Variants in ARRDC3 observed in about 807,000 individuals in gnomAD.
ARRDC3 encodes arrestin domain-containing protein 3.
ARRDC3 carries 10 observed loss-of-function variants against 47.2 expected under a neutral mutation model. The observed-to-expected ratio is 0.21, with a 90% CI of 0.13 to 0.36. The LOEUF is 0.36. Among genes scored for constraint, ARRDC3 ranks in the 10% least tolerant of loss-of-function variants. The pLI is 1.00. For synonymous variants in ARRDC3, 156 were observed against 178.3 expected (o/e 0.87, Z 1.00); for missense variants, 381 against 503.6 (o/e 0.76, Z 2.33).
intron 2 of ARRDC3, among the ~76,000 whole-genome samples, chr5:91,377,571 A>ATT (rs35213327): frequency 4.7e-4 from 69 of 145,570 alleles, no homozygotes; most frequent in Middle Eastern, 7.2e-3. Context: ...TGTTTTCATA[A>ATT]TTTTTTTTTT....
rs201823359 is a variant in ARRDC3 at position 91,383,083 on chromosome 5, C to G, written c.10G>C (p.Gly4Arg). MVLGKVKSLTISFD... is the reference protein window; with the variant it reads MVLRKVKSLTISFD... ...CTTATTGTCAAACTCTTCACCTTTC[C>G]CAGCACCATGTTTATAACAAAATCT... Residue 4 changes from glycine to arginine, a missense_variant, in exon 1 of 8, where the codon GGA becomes CGA. By Grantham distance (125) the Gly-to-Arg change is moderately radical. Coordinates refer to ENST00000265138, the MANE Select transcript of ARRDC3 (RefSeq NM_020801.4). 49 of 1,600,650 alleles carry G rather than the reference C, an allele frequency of 3.1e-5. No homozygotes were observed. Among genetic ancestry groups the G allele is most frequent in the Non-Finnish European group, 4.3e-6 (5 of 1,174,688 alleles).
At chr5:91,379,217 T>C (rs957495031) in intron 1 of ARRDC3, among the ~76,000 whole-genome samples, 3 of 143,552 alleles carry the variant, frequency 2.1e-5, no homozygotes, top group African/African-American at 2.6e-5. Context: ...TGTCAGTTTA[T>C]AGGGAATAAT....
chr5:91,378,620 T>G (rs1799361400), intron 2 of ARRDC3, 74 bp downstream of exon 2: 1 of 873,610 alleles, frequency 1.1e-6, no homozygotes, highest in Middle Eastern at 3.2e-4. Context: ...ATGTTTAAAT[T>G]TAGAATACTT....
At chr5:91,375,340 T>A (rs1215898821) in intron 4 of ARRDC3, 162 bp from the exon 5 acceptor site, 1 of 933,774 alleles carries the variant, frequency 1.1e-6, no homozygotes, top group Non-Finnish European at 1.6e-6. Flanking sequence ...TCAGTAGCTA[T>A]TTGAAAAAGG....
At chr5:91,373,603 T>C (rs1799229327) in intron 7 of ARRDC3, 81 bp downstream of exon 7, 1 of 1,350,476 alleles carries the variant, frequency 7.4e-7, no homozygotes, top group East Asian at 2.3e-5. Flanking sequence ...CAAGATCTAA[T>C]AACATTAAGA....
Position 91,382,846 on chromosome 5 carries a change from T to C in ARRDC3, c.247A>G (p.Asn83Asp). The C allele has an allele frequency of 6.2e-7, 1 of 1,614,118 alleles. No homozygotes were observed. Among genetic ancestry groups the C allele is most frequent in the Non-Finnish European group, 8.5e-7 (1 of 1,180,012 alleles). ...QNYTEEVEYF[N>D]HKDILIGHER... ...TGCCCAATTAAGATGTCTTTATGGT[T>C]GAAATACTCTACTTCTTCAGTGTAA... is the stretch of plus-strand genomic sequence containing the variant. Residue 83 changes from asparagine to aspartate, a missense_variant, in exon 1 of 8, where the codon AAC becomes GAC. Transcript: ENST00000265138.
rs3815759 is a variant in ARRDC3 at position 91,373,680 on chromosome 5, T to G, written c.1188+4A>C. On this transcript the variant is annotated splice_donor_region_variant and intron_variant, in intron 7 of 7. Coordinates refer to ENST00000265138, the MANE Select transcript of ARRDC3 (RefSeq NM_020801.4). ...CATTTCATACTTAAGGAGTAGGTAC[T>G]TACCTCTGAATAAAGAGGTGGAGGC... 3.4e-3 allele frequency: 5,559 copies of G among 1,612,922 alleles called. 33 individuals carry two copies. Among genetic ancestry groups the G allele is most frequent in the Admixed American group, 0.022 (1,307 of 60,010 alleles).
intron 6 of ARRDC3, 30 bp downstream of exon 6, chr5:91,374,084 A>ATTTT (rs1326828990): frequency 2.5e-5 from 40 of 1,595,588 alleles, no homozygotes; most frequent in Non-Finnish European, 3.3e-5. Flanking sequence ...GTAGTAAGAG[A>ATTTT]TTAAGCTTAG....
chr5:91,370,131 A>G lies in ARRDC3; in HGVS notation c.*1269T>C, dbSNP rs984285248. On this transcript the variant is annotated 3_prime_UTR_variant, in exon 8 of 8. Transcript: ENST00000265138. ...AAGGTACAAATTGAGCTCTCTATTC[A>G]TAACCTCAATGTATGTATTCCTGCT... 1.2e-4 allele frequency: 19 copies of G among 152,372 alleles called. No homozygotes were observed. The highest frequency in any genetic ancestry group is 4.6e-4 in the African/African-American group (19 of 41,576). The allele number at this position is 152,372 out of a possible 1,614,324, so 9.4% of individuals were successfully genotyped here. A position where few individuals can be genotyped will look rare whatever the true frequency, so the allele number is the denominator to read the frequency against.
rs1799105900 is a variant in ARRDC3 at position 91,369,031 on chromosome 5, C to A, written c.*2369G>T. On this transcript the variant is annotated 3_prime_UTR_variant, in exon 8 of 8. Coordinates refer to ENST00000265138, the MANE Select transcript of ARRDC3 (RefSeq NM_020801.4). ...CTCACATCTTATGTCAGGAATTGAC[C>A]AATATTTTTAAAAAAGTAATGCCTC... 6.6e-6 allele frequency: 1 copy of A among 152,274 alleles called. No individual in the cohort carries two copies. The allele number at this position is 152,274 out of a possible 1,614,324, so 9.4% of individuals were successfully genotyped here. A position where few individuals can be genotyped will look rare whatever the true frequency, so the allele number is the denominator to read the frequency against.
At chr5:91,373,925 C>G (rs1166694042) in intron 6 of ARRDC3, 87 bp from the exon 7 acceptor site, 19 of 1,547,554 alleles carry the variant, frequency 1.2e-5, no homozygotes, top group Non-Finnish European at 1.6e-5. Flanking sequence ...AAAGCAACGT[C>G]AAGGTAAAAT....
At chr5:91,376,230 CAAAGT>C (rs1799300021) in intron 3 of ARRDC3, among the ~76,000 whole-genome samples, 1 of 152,032 alleles carries the variant, frequency 6.6e-6, no homozygotes, top group Non-Finnish European at 1.5e-5. Flanking sequence ...ATTGGAATAA[CAAAGT>C]ATAGTACAAA....
rs1463448972 is a variant in ARRDC3 at position 91,375,197 on chromosome 5, A to G, written c.614-19T>C. The G allele has an allele frequency of 5.6e-6, 9 of 1,605,918 alleles. No homozygotes were observed. Among genetic ancestry groups the G allele is most frequent in the Admixed American group, 1.7e-5 (1 of 59,622 alleles). ...GATTCACCTAGAGAGGGAAAAATAT[A>G]TACATATCTACTGTTAGAAAAAAAC... On this transcript the variant is annotated intron_variant, in intron 4 of 7. Coordinates refer to ENST00000265138, the MANE Select transcript of ARRDC3 (RefSeq NM_020801.4).
intron 7 of ARRDC3, among the ~76,000 whole-genome samples, 177 bp from the exon 8 acceptor site, chr5:91,371,633 G>C (rs541588879): frequency 6.6e-6 from 1 of 152,158 alleles, no homozygotes; most frequent in African/African-American, 2.4e-5. Context: ...ATGTGGGGAG[G>C]AAAGGGTGTT....
intron 3 of ARRDC3, 79 bp from the exon 4 acceptor site, chr5:91,375,692 C>T: frequency 3.2e-6 from 3 of 947,214 alleles, no homozygotes; most frequent in East Asian, 5.7e-5. Flanking sequence ...AAATATAACC[C>T]TAAATTTATG....
chr5:91,374,838 A>C, intron 5 of ARRDC3, 84 bp downstream of exon 5: 1 of 1,378,422 alleles, frequency 7.3e-7, no homozygotes, highest in South Asian at 1.3e-5. Context: ...CGGAGCTGAG[A>C]CTGTGCCACT....
intron 7 of ARRDC3, among the ~76,000 whole-genome samples, chr5:91,373,096 A>C (rs1799217114): frequency 6.6e-6 from 1 of 152,174 alleles, no homozygotes; most frequent in Non-Finnish European, 1.5e-5. Flanking sequence ...GCATTTTATC[A>C]CATTATTACA....
At chr5:91,373,540 A>G (rs557279059) in intron 7 of ARRDC3, 144 bp downstream of exon 7, 1 of 837,366 alleles carries the variant, frequency 1.2e-6, no homozygotes, top group Non-Finnish European at 1.8e-6. Context: ...GATGAACCTA[A>G]TATTAACTTT....
chr5:91,375,142 C>T lies in ARRDC3; in HGVS notation c.650G>A (p.Cys217Tyr). ...CTTTGGCACCACCATTCGGGAAGAG[C>T]AGTTCTCAATCTCAGCAAATATCTG... ...SIQIFAEIEN[C>Y]SSRMVVPKAA... is the part of the protein sequence containing the mutation. Residue 217 changes from cysteine (C) to tyrosine (Y), a missense_variant, in exon 5 of 8, where the codon TGC (cysteine) becomes TAC (tyrosine). Transcript: ENST00000265138. The T allele has an allele frequency of 3.1e-6, 5 of 1,613,730 alleles. 1 individual carries two copies. The South Asian group carries it at 5.5e-5, about 18-fold the overall frequency.
Sources: allele counts gnomAD v4.1 joint callset (sites outside exome capture counted in the v4.1 genomes callset), GRCh38; gene constraint gnomAD v4.1.1; transcripts MANE v1.5; gene names NCBI Gene and HGNC (gene_info 2026-07-23, HGNC 2026-07-21).